PTPN4: variants seen among roughly 807,000 people sequenced by gnomAD.
The protein encoded by PTPN4 is protein tyrosine phosphatase non-receptor type 4.
A neutral mutation model predicts 135.5 loss-of-function variants in PTPN4; 49 were observed. The observed-to-expected ratio is 0.36, with a 90% CI of 0.29 to 0.46. PTPN4 has a LOEUF of 0.46. Ranked by LOEUF, PTPN4 falls within the 20% of genes least tolerant of loss-of-function variation. The pLI, the probability that PTPN4 is intolerant of heterozygous loss-of-function variation, is 1.00. For synonymous variants in PTPN4, 333 were observed against 369.9 expected (o/e 0.90, Z 1.14); for missense variants, 860 against 1,101.0 (o/e 0.78, Z 3.10).
At chr2:119,791,765 T>A (rs1017644385) in intron 1 of PTPN4, among the ~76,000 whole-genome samples, 6 of 152,338 alleles carry the variant, frequency 3.9e-5, no homozygotes, top group African/African-American at 1.4e-4. Context: ...TAGGTATAAA[T>A]CTCTTTGAGT....
chr2:119,759,936 G>C lies in PTPN4; in HGVS notation c.-466G>C, dbSNP rs935953928. 27 of 360,474 alleles carry C rather than the reference G, an allele frequency of 7.5e-5. No homozygotes were observed. Among genetic ancestry groups the C allele is most frequent in the Admixed American group, 4.7e-5 (1 of 21,350 alleles). 22.3% of individuals were successfully genotyped at this position (360,474 alleles called of 1,614,324 possible). Reference sequence around the variant, plus strand: ...AAACGCTGCCCAGGATTACCCGCCAGCTCACGCCGCGCAGTGCGCTTTTCC... The same window carrying C: ...AAACGCTGCCCAGGATTACCCGCCACCTCACGCCGCGCAGTGCGCTTTTCC... On this transcript the variant is annotated 5_prime_UTR_variant, in exon 1 of 27. Transcript: ENST00000263708.
intron 22 of PTPN4, among the ~76,000 whole-genome samples, chr2:119,957,968 T>A (rs12104999): frequency 0.014 from 2,190 of 152,224 alleles, 48 homozygotes; most frequent in African/African-American, 0.05. Flanking sequence ...TAAGCTTAGA[T>A]ACATGTCTAA....
intron 3 of PTPN4, among the ~76,000 whole-genome samples, chr2:119,870,684 AGTTTATTATAATGATG>A (rs1447566111): frequency 4.6e-5 from 7 of 152,342 alleles, no homozygotes; most frequent in African/African-American, 1.7e-4. Flanking sequence ...TATGAAACAT[AGTTTATTATAATGATG>A]GTATTCAAGA....
At chr2:119,822,962 C>T (rs1217095406) in intron 2 of PTPN4, among the ~76,000 whole-genome samples, 1 of 152,156 alleles carries the variant, frequency 6.6e-6, no homozygotes, top group Non-Finnish European at 1.5e-5. Context: ...GTTTGCCTCT[C>T]CCCCCATTTC....
intron 1 of PTPN4, among the ~76,000 whole-genome samples, chr2:119,765,581 C>G (rs1690599993): frequency 1.3e-5 from 2 of 152,122 alleles, no homozygotes; most frequent in Admixed American, 1.3e-4. Context: ...ATATGTTAAG[C>G]AAACATTTGA....
At chr2:119,972,448 G>C (rs1679550812) in intron 26 of PTPN4, among the ~76,000 whole-genome samples, 1 of 152,080 alleles carries the variant, frequency 6.6e-6, no homozygotes, top group Non-Finnish European at 1.5e-5. Context: ...GTGTGTGAGA[G>C]AGTGAATTTC....
At chr2:119,902,393 G>T (rs1168531841) in intron 10 of PTPN4, among the ~76,000 whole-genome samples, 2 of 152,194 alleles carry the variant, frequency 1.3e-5, no homozygotes, top group Non-Finnish European at 2.9e-5. Flanking sequence ...GATTGAATTT[G>T]TTACCAGTAG....
In PTPN4 at chr2:119,951,985, G is replaced by T; in HGVS notation, c.1669G>T (p.Val557Phe). The T allele has an allele frequency of 6.2e-7, 1 of 1,611,454 alleles. No homozygotes were observed. Among genetic ancestry groups the T allele is most frequent in the Non-Finnish European group, 8.5e-7 (1 of 1,178,472 alleles). Reference protein sequence around the residue: ...VAPGTPADLCVPRLNEGDQVV... With the variant: ...VAPGTPADLCFPRLNEGDQVV... ...TATTATATTACAGGCTGACCTCTGTGTCCCTAGACTGAATGAAGGGGACCA... is the reference window on the plus strand; with the variant it reads ...TATTATATTACAGGCTGACCTCTGTTTCCCTAGACTGAATGAAGGGGACCA... The change falls in exon 19 of 27, where the codon GTC becomes TTC. Residue 557 changes from valine to phenylalanine, a missense_variant. By Grantham distance (50) the Val-to-Phe change is conservative (BLOSUM62 -1). Around this residue, in one of 2 missense-constraint regions of PTPN4, gnomAD observed 684 missense variants for 807.0 expected, o/e 0.85. Transcript: ENST00000263708.
intron 2 of PTPN4, among the ~76,000 whole-genome samples, chr2:119,852,883 A>G (rs967575618): frequency 1.3e-5 from 2 of 151,440 alleles, no homozygotes; most frequent in African/African-American, 4.9e-5. Context: ...TTTTCTCCAG[A>G]GTCCTCTTTG....
chr2:119,948,708 T>C (rs2105049837), intron 18 of PTPN4, among the ~76,000 whole-genome samples: 2 of 152,290 alleles, frequency 1.3e-5, no homozygotes, highest in South Asian at 4.1e-4. Context: ...AAACAAGTTA[T>C]ATGTTGCTTT....
chr2:119,791,464 A>G (rs1691146614), intron 1 of PTPN4, among the ~76,000 whole-genome samples: 1 of 152,092 alleles, frequency 6.6e-6, no homozygotes. Context: ...ACTTTTTATT[A>G]TAGGACAGAT....
rs1574431242 is a variant in PTPN4, at chr2:119,980,511, T to C, written c.*3441T>C. ...TAGGGTTCAGCAATGGTTATTGATT[T>C]AGCAGTCTGGTCTTATATGATCTGC... On this transcript the variant is annotated 3_prime_UTR_variant, in exon 27 of 27. Transcript: ENST00000263708. 1 of 152,146 alleles carries C rather than the reference T, an allele frequency of 6.6e-6. No individual in the cohort carries two copies. Among genetic ancestry groups the C allele is most frequent in the East Asian group, 1.9e-4 (1 of 5,188 alleles). 9.4% of individuals were successfully genotyped at this position (152,146 alleles called of 1,614,324 possible).
intron 2 of PTPN4, among the ~76,000 whole-genome samples, chr2:119,827,176 T>A (rs1677158567): frequency 6.6e-6 from 1 of 152,240 alleles, no homozygotes. Context: ...GTTGTGAGAA[T>A]ACTTGAAGGT....
At chr2:119,899,890 T>C (rs183610026) in intron 9 of PTPN4, among the ~76,000 whole-genome samples, 3 of 152,278 alleles carry the variant, frequency 2.0e-5, no homozygotes, top group African/African-American at 7.2e-5. Flanking sequence ...CTATAAAGTA[T>C]TTGTTCTAGG....
chr2:119,941,901 G>A (rs570543740), intron 15 of PTPN4, among the ~76,000 whole-genome samples: 2 of 152,260 alleles, frequency 1.3e-5, no homozygotes, highest in South Asian at 4.1e-4. Context: ...GTAGATTATA[G>A]AGCTCATGCT....
At chr2:119,923,645 TTAAAAAAATAACTTTTTATCAGGTA>T (rs1424847031) in intron 12 of PTPN4, among the ~76,000 whole-genome samples, 13 of 152,032 alleles carry the variant, frequency 8.6e-5, no homozygotes, top group East Asian at 3.9e-4. Context: ...ATAATCCTGA[TTAAAAAAATAACTTTTTATCAGGTA>T]TAAAAAAATA....
At position 119,932,440 on chromosome 2, in the gene PTPN4, T is replaced by G. The variant is rs763471077; in HGVS notation, c.1087T>G (p.Leu363Val). 1 of 1,610,898 alleles carries G rather than the reference T, an allele frequency of 6.2e-7. No individual in the cohort carries two copies. The highest frequency in any genetic ancestry group is 1.7e-5 in the Admixed American group (1 of 59,838). ...RVFARSPSKP[L>V]ARKLMDWEVV... is the part of the protein sequence containing the mutation. ...TTTCTGCAGATCCCCAAGTAAGCCC[T>G]TGGCACGGAAATTAATGGATTGGGA... The change falls in exon 14 of 27, where the codon TTG (leucine) becomes GTG (valine). Residue 363 changes from leucine (L) to valine (V), a missense_variant. Coordinates refer to ENST00000263708, the MANE Select transcript of PTPN4 (RefSeq NM_002830.4).
chr2:119,811,807 G>T (rs1236021291), intron 2 of PTPN4, among the ~76,000 whole-genome samples: 1 of 152,040 alleles, frequency 6.6e-6, no homozygotes, highest in African/African-American at 2.4e-5. Flanking sequence ...GTTAACAGTA[G>T]TATGCTGTAT....
In PTPN4 at chr2:119,981,261, AT is replaced by A. The variant is rs1452902574; in HGVS notation, c.*4193del. On this transcript the variant is annotated 3_prime_UTR_variant, in exon 27 of 27. Coordinates refer to ENST00000263708, the MANE Select transcript of PTPN4 (RefSeq NM_002830.4). The stretch of plus-strand genomic sequence containing the variant: ...TCTCAATGTAATAGGACATAGATAA[AT>A]TATGCAACAGCCTGCTTTGATGAAA... The A allele has an allele frequency of 6.6e-6, 1 of 152,112 alleles. No homozygotes were observed. The highest frequency in any genetic ancestry group is 1.5e-5 in the Non-Finnish European group (1 of 67,970). The allele number at this position is 152,112 out of a possible 1,614,324, so 9.4% of individuals were successfully genotyped here. A position where few individuals can be genotyped will look rare whatever the true frequency, so the allele number is the denominator to read the frequency against.
Sources: allele counts gnomAD v4.1 joint callset (sites outside exome capture counted in the v4.1 genomes callset), GRCh38; gene constraint gnomAD v4.1.1; regional missense constraint gnomAD v4.1.1; transcripts MANE v1.5; gene names NCBI Gene and HGNC (gene_info 2026-07-23, HGNC 2026-07-21).